SPIN1: variants seen among roughly 807,000 people sequenced by gnomAD.
SPIN1 encodes the protein spindlin-1.
A neutral mutation model predicts 26.0 loss-of-function variants in SPIN1; 3 were observed. That is an observed-to-expected ratio of 0.12 (90% CI 0.05 to 0.30). SPIN1 has a LOEUF of 0.30. Among genes scored for constraint, SPIN1 ranks in the 10% least tolerant of loss-of-function variants. The pLI is 1.00. For missense variants in SPIN1, 126 were observed against 333.4 expected, an observed-to-expected ratio of 0.38 and a Z score of 4.84; for synonymous variants, 101 against 116.5, an observed-to-expected ratio of 0.87 and a Z score of 0.86.
intron 1 of SPIN1, among the ~76,000 whole-genome samples, chr9:88,412,127 C>T (rs1480708266): frequency 2.0e-5 from 3 of 151,838 alleles, no homozygotes; most frequent in East Asian, 1.9e-4. Flanking sequence ...TGCAGTGAGC[C>T]GAGATCATGC....
At chr9:88,442,862 C>T (rs1828164675) in intron 2 of SPIN1, among the ~76,000 whole-genome samples, 3 of 151,946 alleles carry the variant, frequency 2.0e-5, no homozygotes, top group South Asian at 4.2e-4. Context: ...TGGCGCACGC[C>T]TGTAATCCCA....
intron 1 of SPIN1, 24 bp downstream of exon 1, chr9:88,388,562 T>G (rs1438064975): frequency 6.8e-6 from 1 of 147,832 alleles, no homozygotes; most frequent in Non-Finnish European, 1.5e-5. Flanking sequence ...AGGGCGGGCG[T>G]GGGTCGTGAG....
rs1827207245 is a variant in SPIN1 at position 88,402,433 on chromosome 9, C to T, written c.-159+13895C>T. ...GAACTTTCTAACTGTATGTTTGTACCCATTAACCAACCTCTCTTCCTCACC... is the reference window on the plus strand; with the variant it reads ...GAACTTTCTAACTGTATGTTTGTACTCATTAACCAACCTCTCTTCCTCACC... On this transcript the variant is annotated intron_variant, in intron 1 of 5. Coordinates refer to ENST00000375859, the MANE Select transcript of SPIN1 (RefSeq NM_006717.3). Among the ~76,000 whole-genome samples the T allele has an allele frequency of 2.0e-5, 3 of 152,062 alleles. No individual in the cohort carries two copies. The South Asian group carries it at 6.2e-4, about 32-fold the overall frequency.
chr9:88,470,063 A>G (rs556514475), intron 5 of SPIN1, among the ~76,000 whole-genome samples: 2 of 152,320 alleles, frequency 1.3e-5, no homozygotes, highest in South Asian at 2.1e-4. Context: ...TGAATGGACT[A>G]TATGGTGTGA....
chr9:88,448,904 C>T (rs768548277), intron 2 of SPIN1, 37 bp from the exon 3 acceptor site: 1 of 1,602,494 alleles, frequency 6.2e-7, no homozygotes, highest in Non-Finnish European at 8.5e-7. Flanking sequence ...ATTCTTTTAT[C>T]TGGTTTTCAT....
At position 88,395,631 on chromosome 9, in the gene SPIN1, A is replaced by G. The variant is rs74349872; in HGVS notation, c.-159+7093A>G. The stretch of plus-strand genomic sequence containing the variant: ...TTTTTAAAACTTTTTAATTTTTTGT[A>G]GAGATGAGGTCTCACAGTGTTGCCC... On this transcript the variant is annotated intron_variant, in intron 1 of 5. Coordinates refer to ENST00000375859, the MANE Select transcript of SPIN1 (RefSeq NM_006717.3). 2.9e-3 allele frequency among the ~76,000 whole-genome samples: 448 copies of G among 152,102 alleles called. 3 individuals are homozygous for G. Among genetic ancestry groups the G allele is most frequent in the African/African-American group, 9.5e-3 (393 of 41,542 alleles).
At chr9:88,389,001 GGGGGCGGGGCGGGGGGA>G (rs1308559414) in intron 1 of SPIN1, among the ~76,000 whole-genome samples, 11 of 151,506 alleles carry the variant, frequency 7.3e-5, no homozygotes, top group Admixed American at 3.9e-4. Context: ...GGCCGGCGAC[GGGGGCGGGGCGGGGGGA>G]GGGGCGGGAC....
chr9:88,405,418 G>A (rs966782730), intron 1 of SPIN1, among the ~76,000 whole-genome samples: 10 of 151,386 alleles, frequency 6.6e-5, no homozygotes, highest in South Asian at 2.1e-4. Flanking sequence ...TAGTAGAGAC[G>A]GGGTTTCACC....
intron 1 of SPIN1, among the ~76,000 whole-genome samples, chr9:88,407,984 C>T (rs1031742938): frequency 6.6e-6 from 1 of 151,890 alleles, no homozygotes; most frequent in South Asian, 2.1e-4. Context: ...CCAGGCTGGT[C>T]TTGAACTCCT....
intron 1 of SPIN1, among the ~76,000 whole-genome samples, chr9:88,395,908 G>A (rs1271596179): frequency 6.6e-6 from 1 of 151,952 alleles, no homozygotes; most frequent in East Asian, 1.9e-4. Flanking sequence ...TTAGCCTGGC[G>A]TGGTGGCGCG....
At chr9:88,403,563 T>C (rs1449999652) in intron 1 of SPIN1, among the ~76,000 whole-genome samples, 2 of 151,972 alleles carry the variant, frequency 1.3e-5, no homozygotes, top group East Asian at 1.9e-4. Context: ...TTAAAAAAAT[T>C]AGCTGTGTGT....
chr9:88,440,060 C>T (rs571375239), intron 2 of SPIN1, among the ~76,000 whole-genome samples: 2 of 152,258 alleles, frequency 1.3e-5, no homozygotes, highest in African/African-American at 4.8e-5. Context: ...TTTTTGCTTT[C>T]CACTCTTTTC....
intron 2 of SPIN1, among the ~76,000 whole-genome samples, chr9:88,435,449 A>G (rs531190991): frequency 6.6e-6 from 1 of 152,200 alleles, no homozygotes; most frequent in Admixed American, 6.5e-5. Context: ...CTTGTGGGCC[A>G]TGGTGCCAGC....
intron 5 of SPIN1, among the ~76,000 whole-genome samples, chr9:88,471,220 G>C (rs1351076898): frequency 6.6e-6 from 1 of 152,080 alleles, no homozygotes; most frequent in African/African-American, 2.4e-5. Flanking sequence ...TATAATTATA[G>C]CTCTTACTTA....
intron 2 of SPIN1, among the ~76,000 whole-genome samples, chr9:88,431,440 G>A (rs183575935): frequency 2.4e-4 from 37 of 151,050 alleles, no homozygotes; most frequent in Middle Eastern, 3.5e-3. Context: ...ACAGGCATCC[G>A]CCACCACGCC....
intron 1 of SPIN1, among the ~76,000 whole-genome samples, chr9:88,399,619 C>G (rs953745690): frequency 1.3e-5 from 2 of 152,114 alleles, no homozygotes; most frequent in East Asian, 1.9e-4. Flanking sequence ...CTAGGCCAAC[C>G]ACTGCCTCAC....
intron 1 of SPIN1, among the ~76,000 whole-genome samples, chr9:88,419,519 A>G (rs948860960): frequency 1.3e-5 from 2 of 152,294 alleles, no homozygotes; most frequent in Non-Finnish European, 2.9e-5. Context: ...AAGAAAAAAA[A>G]GAAAATTTTG....
intron 1 of SPIN1, among the ~76,000 whole-genome samples, chr9:88,397,162 C>T (rs1827083449): frequency 6.6e-6 from 1 of 152,068 alleles, no homozygotes; most frequent in Non-Finnish European, 1.5e-5. Flanking sequence ...TTTACCTTAG[C>T]TTACTGTAAT....
At chr9:88,416,157 C>G (rs1827559702) in intron 1 of SPIN1, among the ~76,000 whole-genome samples, 1 of 152,112 alleles carries the variant, frequency 6.6e-6, no homozygotes, top group Non-Finnish European at 1.5e-5. Context: ...ACCATTGACC[C>G]TAAATTTTTG....
Sources: allele counts gnomAD v4.1 joint callset (sites outside exome capture counted in the v4.1 genomes callset), GRCh38; gene constraint gnomAD v4.1.1; transcripts MANE v1.5; gene names NCBI Gene and HGNC (gene_info 2026-07-23, HGNC 2026-07-21).